Variants in ERP44 observed in about 807,000 individuals in gnomAD.
The protein encoded by ERP44 is endoplasmic reticulum protein 44, also known as endoplasmic reticulum resident protein 44.
In ERP44, 25 loss-of-function variants were observed where a neutral mutation model predicts 53.4. The ratio of observed to expected loss-of-function variants is 0.47; its 90% confidence interval spans 0.34 to 0.65. The LOEUF (loss-of-function observed/expected upper bound fraction) is 0.65. Among genes scored for constraint, ERP44 ranks in the 30% least tolerant of loss-of-function variants. The probability of loss-of-function intolerance (pLI) is 0.01; values close to 1 mark genes in which losing one functional copy is unlikely to be tolerated. For missense variants in ERP44, 338 were observed against 493.2 expected (o/e 0.69, Z 2.98); for synonymous variants, 145 against 161.2 (o/e 0.90, Z 0.76).
intron 7 of ERP44, 23 bp from the exon 8 acceptor site, chr9:100,016,461 A>T (rs1830526684): frequency 6.4e-7 from 1 of 1,574,036 alleles, no homozygotes. Context: ...AGAAAAAAAA[A>T]ATTAAATCTA....
intron 4 of ERP44, among the ~76,000 whole-genome samples, chr9:100,028,990 T>A (rs968528875): frequency 6.6e-6 from 1 of 152,136 alleles, no homozygotes; most frequent in Non-Finnish European, 1.5e-5. Flanking sequence ...TATAAAAAAA[T>A]TCTAAGTGTC....
At chr9:100,001,360 T>C (rs1035957141) in intron 10 of ERP44, among the ~76,000 whole-genome samples, 6 of 152,208 alleles carry the variant, frequency 3.9e-5, no homozygotes, top group African/African-American at 1.4e-4. Context: ...TTAGGTCCCT[T>C]TGAGCTAAAA....
chr9:99,999,413 C>A (rs1016202093), intron 10 of ERP44, among the ~76,000 whole-genome samples: 1 of 152,152 alleles, frequency 6.6e-6, no homozygotes, highest in African/African-American at 2.4e-5. Context: ...GTCAAAGACA[C>A]CATTCTAATA....
intron 1 of ERP44, among the ~76,000 whole-genome samples, chr9:100,079,161 G>A (rs1826392621): frequency 6.6e-6 from 1 of 152,086 alleles, no homozygotes; most frequent in Non-Finnish European, 1.5e-5. Flanking sequence ...CCTAATCTGG[G>A]TGGGCACTAT....
At chr9:100,030,854 G>A (rs987908201) in intron 4 of ERP44, among the ~76,000 whole-genome samples, 7 of 152,124 alleles carry the variant, frequency 4.6e-5, no homozygotes, top group African/African-American at 1.7e-4. Context: ...TGGCCTCCCT[G>A]AGCACCTTGC....
At chr9:100,024,979 A>G in intron 4 of ERP44, among the ~76,000 whole-genome samples, 1 of 152,174 alleles carries the variant, frequency 6.6e-6, no homozygotes, top group Non-Finnish European at 1.5e-5. Flanking sequence ...TCCTAAAATT[A>G]TTGCCAGGTA....
chr9:100,049,028 T>A (rs568658517), intron 4 of ERP44, among the ~76,000 whole-genome samples: 39 of 152,218 alleles, frequency 2.6e-4, no homozygotes, highest in East Asian at 7.7e-4. Flanking sequence ...ACAATTTTTT[T>A]AAAAAAATAC....
At chr9:100,056,134 G>T (rs939191633) in intron 3 of ERP44, among the ~76,000 whole-genome samples, 1 of 152,146 alleles carries the variant, frequency 6.6e-6, no homozygotes, top group South Asian at 2.1e-4. Flanking sequence ...GGAGAAAGTC[G>T]TTCTAGTTTT....
In ERP44 at chr9:99,991,056, C is replaced by T. The variant is rs181500500; in HGVS notation, c.1017-5987G>A. On this transcript the variant is annotated intron_variant, in intron 10 of 11. Transcript: ENST00000262455. ...CTACAAAGAGACTTAGACTCCCACA[C>T]AATAATAATGGGAGGCTTTAACACC... is the stretch of plus-strand genomic sequence containing the variant. Among the ~76,000 whole-genome samples the T allele has an allele frequency of 3.9e-5, 6 of 152,272 alleles. No individual in the cohort carries two copies. In the East Asian group the frequency reaches 1.2e-3, roughly 29 times the overall value.
intron 6 of ERP44, 100 bp downstream of exon 6, chr9:100,020,516 C>G: frequency 1.5e-6 from 1 of 651,508 alleles, no homozygotes; most frequent in South Asian, 1.9e-5. Context: ...GGATTGAGAT[C>G]ATTTTTGGAA....
intron 4 of ERP44, among the ~76,000 whole-genome samples, chr9:100,046,956 A>G (rs1482861724): frequency 6.6e-6 from 1 of 152,162 alleles, no homozygotes; most frequent in Non-Finnish European, 1.5e-5. Context: ...ACAAAAATAG[A>G]CCCACACATA....
chr9:100,091,018 G>C (rs1826549264), intron 1 of ERP44, among the ~76,000 whole-genome samples: 1 of 152,134 alleles, frequency 6.6e-6, no homozygotes, highest in Admixed American at 6.6e-5. Flanking sequence ...AATGGAAAAA[G>C]TACTGGTATT....
chr9:100,033,447 G>A (rs894969536), intron 4 of ERP44, among the ~76,000 whole-genome samples: 34 of 152,216 alleles, frequency 2.2e-4, no homozygotes, highest in African/African-American at 8.2e-4. Flanking sequence ...ACAGGTATTT[G>A]AGGATACAAA....
At chr9:100,011,809 C>T (rs1830479558) in intron 8 of ERP44, among the ~76,000 whole-genome samples, 1 of 152,132 alleles carries the variant, frequency 6.6e-6, no homozygotes, top group African/African-American at 2.4e-5. Flanking sequence ...ATACTCTGGT[C>T]ACTAAGAATG....
intron 4 of ERP44, among the ~76,000 whole-genome samples, chr9:100,036,045 G>A (rs1328885180): frequency 6.6e-6 from 1 of 152,108 alleles, no homozygotes; most frequent in Admixed American, 6.5e-5. Context: ...CATTACTGGG[G>A]ATATACCCAA....
intron 4 of ERP44, among the ~76,000 whole-genome samples, chr9:100,038,765 C>A (rs1477754149): frequency 6.6e-6 from 1 of 151,804 alleles, no homozygotes. Context: ...ACACACTCTA[C>A]CTCTAAAGAC....
At chr9:100,069,391 G>A (rs1826274782) in intron 1 of ERP44, among the ~76,000 whole-genome samples, 2 of 151,866 alleles carry the variant, frequency 1.3e-5, no homozygotes, top group Non-Finnish European at 2.9e-5. Context: ...TCTACTTACT[G>A]TGCAAATCCA....
At chr9:99,995,043 C>A (rs996705943) in intron 10 of ERP44, among the ~76,000 whole-genome samples, 1 of 152,006 alleles carries the variant, frequency 6.6e-6, no homozygotes, top group Non-Finnish European at 1.5e-5. Flanking sequence ...TTTCAACATA[C>A]AGATTCTGCA....
chr9:99,995,920 C>CTTTTTTTTTTTTTTTTTTTTT (rs34632626), intron 10 of ERP44, among the ~76,000 whole-genome samples: 11 of 121,438 alleles, frequency 9.1e-5, no homozygotes, highest in Non-Finnish European at 1.4e-4. Context: ...TAGGGTAGTT[C>CTTTTTTTTTTTTTTTTTTTTT]TTTTTTTTTT....
Sources: allele counts gnomAD v4.1 joint callset (sites outside exome capture counted in the v4.1 genomes callset), GRCh38; gene constraint gnomAD v4.1.1; transcripts MANE v1.5; gene names NCBI Gene and HGNC (gene_info 2026-07-23, HGNC 2026-07-21).